The following CAMK4 variants were observed in gnomAD, a reference collection of about 807,000 sequenced individuals.
The protein encoded by CAMK4 is calcium/calmodulin-dependent protein kinase type IV.
In CAMK4, 22 loss-of-function variants were observed where a neutral mutation model predicts 44.9. The ratio of observed to expected loss-of-function variants is 0.49; its 90% CI spans 0.35 to 0.70. The LOEUF (loss-of-function observed/expected upper bound fraction) is 0.70. Ranked by LOEUF, CAMK4 falls within the 30% of genes least tolerant of loss-of-function variation. The pLI, the probability that CAMK4 is intolerant of heterozygous loss-of-function variation, is 0.01. For synonymous variants in CAMK4, 218 were observed against 215.4 expected, an observed-to-expected ratio of 1.01 and a Z score of -0.11; for missense variants, 498 against 586.8, an observed-to-expected ratio of 0.85 and a Z score of 1.56.
intron 1 of CAMK4, among the ~76,000 whole-genome samples, chr5:111,256,783 G>T (rs536527683): frequency 1.3e-5 from 2 of 152,238 alleles, no homozygotes; most frequent in African/African-American, 4.8e-5. Context: ...TTTTGAAAAT[G>T]TATTAACTAC....
chr5:111,274,100 G>A (rs750317654), intron 1 of CAMK4, among the ~76,000 whole-genome samples: 6 of 151,894 alleles, frequency 4.0e-5, no homozygotes, highest in Admixed American at 1.3e-4. Flanking sequence ...TCTGGAACAC[G>A]TGGAACACAA....
At chr5:111,436,972 G>A (rs1753668321) in intron 5 of CAMK4, among the ~76,000 whole-genome samples, 1 of 152,168 alleles carries the variant, frequency 6.6e-6, no homozygotes, top group African/African-American at 2.4e-5. Context: ...AAATGAATTA[G>A]GTAATGGTTT....
intron 5 of CAMK4, among the ~76,000 whole-genome samples, chr5:111,426,109 C>A (rs1753217623): frequency 2.0e-5 from 3 of 151,548 alleles, no homozygotes; most frequent in Admixed American, 2.0e-4. Context: ...AAAAAAAAAT[C>A]TAAGTAGGTT....
intron 5 of CAMK4, among the ~76,000 whole-genome samples, chr5:111,405,341 G>A (rs780426361): frequency 3.3e-5 from 5 of 152,054 alleles, no homozygotes; most frequent in Admixed American, 1.3e-4. Flanking sequence ...GGTGGTGTGC[G>A]CCTATAGTCC....
chr5:111,480,351 C>T lies in CAMK4; in HGVS notation c.828+1844C>T, dbSNP rs148402901. Among the ~76,000 whole-genome samples the T allele has an allele frequency of 2.3e-3, 354 of 151,088 alleles. 5 individuals carry two copies. The highest frequency in any genetic ancestry group is 8.0e-3 in the African/African-American group (327 of 41,076). ...CTAGATATCCCTTGGGAGGCATGGT[C>T]GGCCTTCCCCTTCAGTCCCTCCCAC... On this transcript the variant is annotated intron_variant, in intron 9 of 10. Transcript: ENST00000282356.
intron 5 of CAMK4, among the ~76,000 whole-genome samples, chr5:111,422,088 G>A (rs923964547): frequency 1.3e-5 from 2 of 152,140 alleles, no homozygotes; most frequent in African/African-American, 4.8e-5. Context: ...TTAGGAGTGT[G>A]AGAACGGACT....
chr5:111,232,970 C>G (rs1748547304), intron 1 of CAMK4, among the ~76,000 whole-genome samples: 1 of 152,202 alleles, frequency 6.6e-6, no homozygotes, highest in African/African-American at 2.4e-5. Flanking sequence ...AGACAACATA[C>G]AGACAATAGC....
At chr5:111,380,101 A>G (rs968667513) in intron 4 of CAMK4, among the ~76,000 whole-genome samples, 2 of 152,132 alleles carry the variant, frequency 1.3e-5, no homozygotes, top group Non-Finnish European at 2.9e-5. Context: ...GAATTATTGA[A>G]ATGGACAAGG....
chr5:111,427,051 C>G (rs1236799462), intron 5 of CAMK4, among the ~76,000 whole-genome samples: 1 of 152,140 alleles, frequency 6.6e-6, no homozygotes, highest in Non-Finnish European at 1.5e-5. Context: ...GGCATCACCC[C>G]TCCTCTAACC....
chr5:111,319,394 C>T (rs148695558), intron 1 of CAMK4, among the ~76,000 whole-genome samples: 143 of 152,326 alleles, frequency 9.4e-4, no homozygotes, highest in Non-Finnish European at 1.8e-3. Flanking sequence ...AAGACATTAA[C>T]TTCCCAAACT....
chr5:111,353,791 G>A (rs1481362380), intron 2 of CAMK4, among the ~76,000 whole-genome samples: 2 of 152,070 alleles, frequency 1.3e-5, no homozygotes, highest in African/African-American at 4.8e-5. Flanking sequence ...ATAAATTTAA[G>A]GAGGTGAAAG....
At chr5:111,273,735 A>C (rs1580515115) in intron 1 of CAMK4, among the ~76,000 whole-genome samples, 1 of 137,054 alleles carries the variant, frequency 7.3e-6, no homozygotes, top group African/African-American at 2.8e-5. Flanking sequence ...ACATACATAC[A>C]CACACACACG....
intron 1 of CAMK4, among the ~76,000 whole-genome samples, chr5:111,266,625 C>T (rs907215064): frequency 4.6e-5 from 7 of 152,174 alleles, no homozygotes; most frequent in African/African-American, 1.4e-4. Context: ...TACCTGTTCC[C>T]ACCAACACAT....
chr5:111,366,282 T>G (rs1252086333), intron 2 of CAMK4, among the ~76,000 whole-genome samples: 1 of 152,038 alleles, frequency 6.6e-6, no homozygotes, highest in Non-Finnish European at 1.5e-5. Flanking sequence ...GCAAGGAAAA[T>G]AAGATAAGGC....
chr5:111,471,835 T>C (rs1755076089), intron 7 of CAMK4, among the ~76,000 whole-genome samples: 1 of 152,194 alleles, frequency 6.6e-6, no homozygotes, highest in Non-Finnish European at 1.5e-5. Context: ...ACAGTATTCC[T>C]TCCTGTATGG....
chr5:111,493,703 G>C lies in CAMK4; in HGVS notation c.*9237G>C, dbSNP rs1755945495. 1 of 152,016 alleles carries C rather than the reference G, an allele frequency of 6.6e-6. No homozygotes were observed. Among genetic ancestry groups the C allele is most frequent in the South Asian group, 2.1e-4 (1 of 4,830 alleles). 9.4% of individuals were successfully genotyped at this position (152,016 alleles called of 1,614,324 possible). ...CTTTTGTCCCTTTACATACTGTTTTGTAAGTTCCTTTTGATATCATTTATT... is the reference window on the plus strand; with the variant it reads ...CTTTTGTCCCTTTACATACTGTTTTCTAAGTTCCTTTTGATATCATTTATT... On this transcript the variant is annotated 3_prime_UTR_variant, in exon 11 of 11. Transcript: ENST00000282356. This position sits in a 1 kb window ranked among gnomAD's most constrained non-coding sequence, Gnocchi z 4.1.
rs1243736105 is a variant in CAMK4, at chr5:111,290,887, G to C, written c.162-53137G>C. Among the ~76,000 whole-genome samples, 1 of 152,078 alleles carries C rather than the reference G, an allele frequency of 6.6e-6. No individual in the cohort carries two copies. Among genetic ancestry groups the C allele is most frequent in the Non-Finnish European group, 1.5e-5 (1 of 68,012 alleles). The stretch of plus-strand genomic sequence containing the variant: ...CGTATGGAACCACATAAGCAGATTT[G>C]GATTCCATCAAGAAACTTGGGCTTA... On this transcript the variant is annotated intron_variant, in intron 1 of 10. Transcript: ENST00000282356. The surrounding 1 kb of genome is among the most constrained non-coding windows in gnomAD (Gnocchi z 4.5).
intron 1 of CAMK4, among the ~76,000 whole-genome samples, chr5:111,230,795 T>C (rs930946496): frequency 1.3e-5 from 2 of 152,066 alleles, no homozygotes; most frequent in South Asian, 4.1e-4. Context: ...TTGTTAATAT[T>C]TTTTTTCTTT....
chr5:111,395,869 G>A (rs746458018), intron 5 of CAMK4, among the ~76,000 whole-genome samples: 1 of 151,758 alleles, frequency 6.6e-6, no homozygotes, highest in African/African-American at 2.4e-5. Flanking sequence ...CCCAGGGAGG[G>A]GTATTTATCA....
Sources: allele counts gnomAD v4.1 joint callset (sites outside exome capture counted in the v4.1 genomes callset), GRCh38; gene constraint gnomAD v4.1.1; non-coding constraint Gnocchi (gnomAD v3.1); transcripts MANE v1.5; gene names NCBI Gene and HGNC (gene_info 2026-07-23, HGNC 2026-07-21).